Variants in WDR33 observed in about 807,000 individuals in gnomAD.
WDR33 encodes the protein WD repeat domain 33.
In WDR33, 47 loss-of-function variants were observed where a neutral mutation model predicts 164.9. The ratio of observed to expected loss-of-function variants is 0.29; its 90% CI spans 0.23 to 0.36. The LOEUF is 0.36. WDR33 is among the 10% of genes least tolerant of loss of function. The pLI, the probability that WDR33 is intolerant of heterozygous loss-of-function variation, is 1.00. For synonymous variants in WDR33, 505 were observed against 589.0 expected (o/e 0.86, Z 2.06); for missense variants, 1,137 against 1,754.1 (o/e 0.65, Z 6.28).
At chr2:127,755,400 C>CAA (rs1687489834) in intron 7 of WDR33, among the ~76,000 whole-genome samples, 2 of 152,192 alleles carry the variant, frequency 1.3e-5, no homozygotes, top group Admixed American at 1.3e-4. Flanking sequence ...AATGACCTTT[C>CAA]ACTCATGCAG....
At chr2:127,707,284 G>T (rs931672541) in intron 21 of WDR33, among the ~76,000 whole-genome samples, 10 of 151,098 alleles carry the variant, frequency 6.6e-5, no homozygotes, top group Non-Finnish European at 5.9e-5. Context: ...ATTCTATCTT[G>T]TAAGATTTTT....
At chr2:127,758,448 T>A (rs1266621024) in intron 7 of WDR33, among the ~76,000 whole-genome samples, 1 of 152,180 alleles carries the variant, frequency 6.6e-6, no homozygotes, top group African/African-American at 2.4e-5. Flanking sequence ...TACTCATTTG[T>A]AAAATGGGAA....
chr2:127,750,085 G>A (rs1003850506), intron 7 of WDR33, among the ~76,000 whole-genome samples: 8 of 152,062 alleles, frequency 5.3e-5, no homozygotes, highest in African/African-American at 1.7e-4. Context: ...GTGCAGTGGC[G>A]AAATCTTGGC....
At position 127,723,871 on chromosome 2, in the gene WDR33, G is replaced by T. The variant is rs963666237; in HGVS notation, c.1196+462C>A. Among the ~76,000 whole-genome samples the T allele has an allele frequency of 3.3e-5, 5 of 152,104 alleles. No homozygotes were observed. Among genetic ancestry groups the T allele is most frequent in the African/African-American group, 1.2e-4 (5 of 41,406 alleles). ...GCAGGAGGATTGCCTAAGCCCAGGAGTTTGACATCAGCCTGGGCAACATGG... is the reference window on the plus strand; with the variant it reads ...GCAGGAGGATTGCCTAAGCCCAGGATTTTGACATCAGCCTGGGCAACATGG... On this transcript the variant is annotated intron_variant, in intron 11 of 21. Coordinates refer to ENST00000322313, the MANE Select transcript of WDR33 (RefSeq NM_018383.5). The surrounding 1 kb of genome is among the most constrained non-coding windows in gnomAD (Gnocchi z 5.9).
chr2:127,726,907 A>C lies in WDR33; in HGVS notation c.725-130T>G. The C allele has an allele frequency of 8.2e-7, 1 of 1,214,880 alleles. No individual in the cohort carries two copies. Among genetic ancestry groups the C allele is most frequent in the Non-Finnish European group, 1.1e-6 (1 of 874,616 alleles). 75.3% of individuals were successfully genotyped at this position (1,214,880 alleles called of 1,614,324 possible). ...TCAACTTAAAACTTGTTTTGTGAAGACTCTTTGGCCTCTGTGTGTCTGGAA... is the reference window on the plus strand; with the variant it reads ...TCAACTTAAAACTTGTTTTGTGAAGCCTCTTTGGCCTCTGTGTGTCTGGAA... On this transcript the variant is annotated intron_variant, in intron 7 of 21. Transcript: ENST00000322313. The surrounding 1 kb of genome is among the most constrained non-coding windows in gnomAD (Gnocchi z 4.8).
At position 127,764,247 on chromosome 2, in the gene WDR33, A is replaced by T; in HGVS notation, c.626+581T>A. ...CAGTGAATCAGAAGAAAAGTCCTAG[A>T]GTCTTCTTGACAATGATCTGCTTAC... On this transcript the variant is annotated intron_variant, in intron 6 of 21. Coordinates refer to ENST00000322313, the MANE Select transcript of WDR33 (RefSeq NM_018383.5). This position sits in a 1 kb window ranked among gnomAD's most constrained non-coding sequence, Gnocchi z 6.2. The T allele has an allele frequency of 1.7e-6, 2 of 1,171,924 alleles. No individual in the cohort carries two copies. Among genetic ancestry groups the T allele is most frequent in the Non-Finnish European group, 2.1e-6 (2 of 948,772 alleles). 72.6% of individuals were successfully genotyped at this position (1,171,924 alleles called of 1,614,324 possible).
chr2:127,723,224 AAAG>A lies in WDR33; in HGVS notation c.1291+26_1291+28del. 13 of 1,590,220 alleles carry A rather than the reference AAAG, an allele frequency of 8.2e-6. No individual in the cohort carries two copies. The highest frequency in any genetic ancestry group is 1.1e-5 in the South Asian group (1 of 87,368). On this transcript the variant is annotated intron_variant, in intron 12 of 21. Coordinates refer to ENST00000322313, the MANE Select transcript of WDR33 (RefSeq NM_018383.5). This position sits in a 1 kb window ranked among gnomAD's most constrained non-coding sequence, Gnocchi z 5.9. ...CTTCTGTAATAGAATACCAGATTTC[AAAG>A]AAGGACAGATGTGCAAGAGTCTCAC...
At position 127,719,436 on chromosome 2, in the gene WDR33, C is replaced by G. The variant is rs147196690; in HGVS notation, c.2589G>C (p.Gly863=). ...GAGGTCCTAAAGAGCCCTGGGGCGG[C>G]CCCTGCTGACTTTGTGAGCCTGGAG... ...RGPPGSQSQQ[G]PPQGSLGPPP... Residue 863 remains glycine, a synonymous_variant, in exon 16 of 22, where the codon GGG becomes GGC. Transcript: ENST00000322313. This position sits in a 1 kb window ranked among gnomAD's most constrained non-coding sequence, Gnocchi z 6.5. 19 of 1,565,750 alleles carry G rather than the reference C, an allele frequency of 1.2e-5. No homozygotes were observed. Among genetic ancestry groups the G allele is most frequent in the Non-Finnish European group, 1.6e-5 (19 of 1,155,528 alleles).
intron 1 of WDR33, among the ~76,000 whole-genome samples, chr2:127,809,624 C>T (rs1376662996): frequency 6.6e-6 from 1 of 151,764 alleles, no homozygotes; most frequent in Non-Finnish European, 1.5e-5. Flanking sequence ...TTAGTAGAGA[C>T]GGGGTTCCGC....
At chr2:127,757,037 A>G (rs887265681) in intron 7 of WDR33, among the ~76,000 whole-genome samples, 6 of 151,168 alleles carry the variant, frequency 4.0e-5, no homozygotes, top group Admixed American at 6.6e-5. Context: ...GTATTGCGCC[A>G]CTGCACTCCA....
At chr2:127,797,505 T>C (rs1689080997) in intron 1 of WDR33, among the ~76,000 whole-genome samples, 1 of 151,936 alleles carries the variant, frequency 6.6e-6, no homozygotes. Flanking sequence ...CAAAAAAAGA[T>C]ATTAAGCCAA....
chr2:127,724,498 C>T lies in WDR33; in HGVS notation c.1086-55G>A. ...TTCACAAAAGTTACCCAGCTTCTCC[C>T]TCCCCCTCAAAAAAGACATTTTCTG... is the stretch of plus-strand genomic sequence containing the variant. On this transcript the variant is annotated intron_variant, in intron 10 of 21. Coordinates refer to ENST00000322313, the MANE Select transcript of WDR33 (RefSeq NM_018383.5). This position sits in a 1 kb window ranked among gnomAD's most constrained non-coding sequence, Gnocchi z 4.8. 1 of 1,477,924 alleles carries T rather than the reference C, an allele frequency of 6.8e-7. No individual in the cohort carries two copies. Among genetic ancestry groups the T allele is most frequent in the Non-Finnish European group, 9.4e-7 (1 of 1,062,716 alleles). 91.6% of individuals were successfully genotyped at this position (1,477,924 alleles called of 1,614,324 possible).
intron 1 of WDR33, among the ~76,000 whole-genome samples, chr2:127,776,088 T>C (rs896113807): frequency 2.6e-5 from 4 of 152,208 alleles, no homozygotes; most frequent in Non-Finnish European, 5.9e-5. Flanking sequence ...ATGTAAGTCC[T>C]AACCTCCAGT....
At chr2:127,787,594 C>G (rs1688636760) in intron 1 of WDR33, among the ~76,000 whole-genome samples, 1 of 96,112 alleles carries the variant, frequency 1.0e-5, no homozygotes, top group Non-Finnish European at 2.1e-5. Flanking sequence ...GGGCTCCTCA[C>G]TTCCCAGTAG....
chr2:127,775,278 T>C (rs1292041180), intron 1 of WDR33, among the ~76,000 whole-genome samples: 1 of 152,166 alleles, frequency 6.6e-6, no homozygotes, highest in Non-Finnish European at 1.5e-5. Flanking sequence ...AACCTCCGCC[T>C]CCCAGGTTCA....
At position 127,790,640 on chromosome 2, in the gene WDR33, A is replaced by G. The variant is rs1228934150; in HGVS notation, c.-23-19636T>C. Among the ~76,000 whole-genome samples, 3 of 152,028 alleles carry G rather than the reference A, an allele frequency of 2.0e-5. 1 individual carries two copies. The highest frequency in any genetic ancestry group is 7.2e-5 in the African/African-American group (3 of 41,380). On this transcript the variant is annotated intron_variant, in intron 1 of 21. Transcript: ENST00000322313. ...TATTTTATTTTTGAAACCAGGTCTC[A>G]CTCCATTGCCCAGGCTACAGCGCAT...
intron 7 of WDR33, chr2:127,736,213 T>C (rs1201350560): frequency 1.0e-6 from 1 of 985,446 alleles, no homozygotes; most frequent in Non-Finnish European, 1.2e-6. Context: ...TTTGGAAATG[T>C]GAAACACTAG....
intron 1 of WDR33, among the ~76,000 whole-genome samples, chr2:127,775,545 T>C (rs1433664259): frequency 6.6e-6 from 1 of 152,176 alleles, no homozygotes; most frequent in Non-Finnish European, 1.5e-5. Flanking sequence ...TTGATGACTG[T>C]TGAAGCTGGG....
Position 127,764,367 on chromosome 2 carries a change from G to T in WDR33, c.626+461C>A. ...TTTAGTCCTATACTTTCCTTTGGAA[G>T]TCGTGGCATAACCAAGCCAACCAGG... On this transcript the variant is annotated intron_variant, in intron 6 of 21. Coordinates refer to ENST00000322313, the MANE Select transcript of WDR33 (RefSeq NM_018383.5). This position sits in a 1 kb window ranked among gnomAD's most constrained non-coding sequence, Gnocchi z 6.2. 7.0e-7 allele frequency: 1 copy of T among 1,425,900 alleles called. No homozygotes were observed. The highest frequency in any genetic ancestry group is 1.4e-5 in the African/African-American group (1 of 69,234). 88.3% of individuals were successfully genotyped at this position (1,425,900 alleles called of 1,614,324 possible). A position where few individuals can be genotyped will look rare whatever the true frequency, so the allele number is the denominator to read the frequency against.
Sources: gnomAD v4.1 joint callset for allele counts (sites outside exome capture counted in the v4.1 genomes callset) on GRCh38, gnomAD v4.1.1 for gene constraint, Gnocchi (gnomAD v3.1) non-coding constraint, MANE v1.5 for transcripts, NCBI Gene and HGNC (gene_info 2026-07-23, HGNC 2026-07-21) for gene names.